SNRPD3: variants seen among roughly 807,000 people sequenced by gnomAD.
The protein encoded by SNRPD3 is small nuclear ribonucleoprotein D3 polypeptide.
For missense variants in SNRPD3, 73 were observed against 167.5 expected (o/e 0.44, Z 3.11); for synonymous variants, 66 against 58.4 (o/e 1.13, Z -0.59).
intron 2 of SNRPD3, 190 bp downstream of exon 2, chr22:24,557,990 G>A (rs1220794672): frequency 2.2e-6 from 1 of 457,220 alleles, no homozygotes; most frequent in Non-Finnish European, 3.8e-6. Context: ...ATAATCTTGA[G>A]GCAGAAAAGC....
rs114147227 is a variant in SNRPD3, at chr22:24,566,930, C to T, written c.127-1054C>T. On this transcript the variant is annotated intron_variant, in intron 2 of 3. Transcript: ENST00000215829. The stretch of plus-strand genomic sequence containing the variant: ...TTAACCCTATTGATCTTTCCTCTAT[C>T]GACAAACTTGACTGACTCCTTTATC... Among the ~76,000 whole-genome samples, 113 of 152,302 alleles carry T rather than the reference C, an allele frequency of 7.4e-4. 1 individual carries two copies. The highest frequency in any genetic ancestry group is 2.6e-3 in the African/African-American group (110 of 41,564).
Position 24,560,715 on chromosome 22 carries a change from C to CCTTT in SNRPD3, c.126+2915_126+2916insCTTT, listed in dbSNP as rs1569024539. On this transcript the variant is annotated intron_variant, in intron 2 of 3. Coordinates refer to ENST00000215829, the MANE Select transcript of SNRPD3 (RefSeq NM_004175.5). Reference sequence around the variant, plus strand: ...ACAGGCGTGAGCCACTGCACCTGGCCTTTTTTTTTTTTTTTTTTTTTTTTT... The same window carrying CCTTT: ...ACAGGCGTGAGCCACTGCACCTGGCCCTTTTTTTTTTTTTTTTTTTTTTTTTTTT... Among the ~76,000 whole-genome samples the CCTTT allele has an allele frequency of 2.0e-5, 2 of 98,864 alleles. 1 individual carries two copies. 64.9% of individuals were successfully genotyped at this position (98,864 alleles called of 152,430 possible). A position where few individuals can be genotyped will look rare whatever the true frequency, so the allele number is the denominator to read the frequency against.
chr22:24,568,234 A>AGGGGCCC, intron 3 of SNRPD3, 58 bp downstream of exon 3: 1 of 1,393,150 alleles, frequency 7.2e-7, no homozygotes, highest in African/African-American at 1.4e-5. Context: ...TCTTGTAGAA[A>AGGGGCCC]GGGGCCCTAT....
intron 2 of SNRPD3, among the ~76,000 whole-genome samples, chr22:24,564,914 T>TA (rs1296827541): frequency 6.6e-6 from 1 of 150,452 alleles, no homozygotes; most frequent in African/African-American, 2.5e-5. Context: ...GACAGGGTCT[T>TA]ACTCTGTTGC....
chr22:24,563,696 G>A (rs1216202481), intron 2 of SNRPD3, among the ~76,000 whole-genome samples: 1 of 152,150 alleles, frequency 6.6e-6, no homozygotes, highest in African/African-American at 2.4e-5. Context: ...GGAGAATGTG[G>A]TGTAGAGCTC....
intron 3 of SNRPD3, among the ~76,000 whole-genome samples, chr22:24,569,968 C>T (rs914650161): frequency 6.6e-6 from 1 of 152,248 alleles, no homozygotes; most frequent in Non-Finnish European, 1.5e-5. Flanking sequence ...TGTCCCGAAG[C>T]TCCCCTAACC....
chr22:24,569,053 C>T (rs1450407121), intron 3 of SNRPD3, among the ~76,000 whole-genome samples: 2 of 152,208 alleles, frequency 1.3e-5, no homozygotes, highest in East Asian at 3.9e-4. Flanking sequence ...TGTGGGATCG[C>T]TTGCCCTTGT....
At chr22:24,571,046 T>C (rs1005947042) in intron 3 of SNRPD3, among the ~76,000 whole-genome samples, 16 of 152,230 alleles carry the variant, frequency 1.1e-4, no homozygotes, top group African/African-American at 2.2e-4. Context: ...CTCAAACTTA[T>C]GACCTCAAGT....
At position 24,568,182 on chromosome 22, in the gene SNRPD3, T is replaced by C. The variant is rs546917883; in HGVS notation, c.319+6T>C. ...TGCTATTCTCAAGGCCCAAGGTAGG[T>C]GCTTTTCATGCACAGGTTTTAAAAT... is the stretch of plus-strand genomic sequence containing the variant. On this transcript the variant is annotated splice_donor_region_variant and intron_variant, in intron 3 of 3. Transcript: ENST00000215829. 2.5e-6 allele frequency: 4 copies of C among 1,602,116 alleles called. No individual in the cohort carries two copies. The South Asian group carries it at 4.4e-5, about 18-fold the overall frequency.
chr22:24,559,124 AG>A (rs1348067627), intron 2 of SNRPD3, among the ~76,000 whole-genome samples: 3 of 152,186 alleles, frequency 2.0e-5, no homozygotes, highest in African/African-American at 7.2e-5. Context: ...AGAGAGGTAA[AG>A]CACCTTACAC....
At chr22:24,570,528 C>A (rs1257012831) in intron 3 of SNRPD3, among the ~76,000 whole-genome samples, 1 of 151,946 alleles carries the variant, frequency 6.6e-6, no homozygotes, top group Non-Finnish European at 1.5e-5. Context: ...ACTAAAAATA[C>A]AAAAATTAGC....
intron 3 of SNRPD3, among the ~76,000 whole-genome samples, chr22:24,570,914 G>T (rs1231843541): frequency 1.4e-5 from 2 of 146,300 alleles, no homozygotes; most frequent in East Asian, 4.2e-4. Flanking sequence ...CAACTCCCAG[G>T]TTCAAGTGAT....
intron 2 of SNRPD3, among the ~76,000 whole-genome samples, chr22:24,566,315 A>G (rs1197181516): frequency 6.6e-6 from 1 of 152,204 alleles, no homozygotes; most frequent in Non-Finnish European, 1.5e-5. Flanking sequence ...TCTGTGGCCC[A>G]GGCTAGGGTG....
rs186724012 is a variant in SNRPD3, at chr22:24,556,014, G to A, written c.-76G>A. On this transcript the variant is annotated 5_prime_UTR_variant, in exon 1 of 4. Transcript: ENST00000215829. ...TAGGCCCGCCATTCGCTTGACTCAC[G>A]CCTTCGCCGTAGCATCTTTCGCAGC... is the stretch of plus-strand genomic sequence containing the variant. The A allele has an allele frequency of 2.4e-5, 15 of 637,878 alleles. No individual in the cohort carries two copies. The highest frequency in any genetic ancestry group is 3.8e-5 in the Non-Finnish European group (14 of 369,160). The allele number at this position is 637,878 out of a possible 1,614,324, so 39.5% of individuals were successfully genotyped here. A position where few individuals can be genotyped will look rare whatever the true frequency, so the allele number is the denominator to read the frequency against.
upstream of SNRPD3, chr22:24,555,832 T>C (rs1020292741): frequency 5.8e-6 from 9 of 1,543,988 alleles, no homozygotes; most frequent in Non-Finnish European, 7.8e-6. Flanking sequence ...TCATCAGCCC[T>C]CTTTTCCGGT....
intron 1 of SNRPD3, 88 bp from the exon 2 acceptor site, chr22:24,557,569 A>C (rs2045089608): frequency 1.2e-6 from 1 of 863,364 alleles, no homozygotes; most frequent in East Asian, 2.9e-5. Flanking sequence ...AGTTTTATGG[A>C]GTGCCAGGCC....
Position 24,568,109 on chromosome 22 carries a change from G to A in SNRPD3, c.252G>A (p.Lys84=), listed in dbSNP as rs2045213312. The A allele has an allele frequency of 1.2e-6, 2 of 1,613,930 alleles. No individual in the cohort carries two copies. The highest frequency in any genetic ancestry group is 1.7e-6 in the Non-Finnish European group (2 of 1,179,980). ...TGCTGAAGAACGCACCCATGTTAAA[G>A]AGCATGAAAAATAAAAACCAAGGCT... ...PDMLKNAPML[K]SMKNKNQGSG... Residue 84 remains lysine, a synonymous_variant, in exon 3 of 4, where the codon AAG becomes AAA. Transcript: ENST00000215829.
chr22:24,563,183 C>G (rs1266196835), intron 2 of SNRPD3, among the ~76,000 whole-genome samples: 1 of 150,640 alleles, frequency 6.6e-6, no homozygotes, highest in African/African-American at 2.5e-5. Context: ...CCCTGGGCAA[C>G]ACAGTGAGAC....
At chr22:24,560,087 A>G (rs1368100512) in intron 2 of SNRPD3, among the ~76,000 whole-genome samples, 5 of 5,318 alleles carry the variant, frequency 9.4e-4, no homozygotes, top group Non-Finnish European at 6.3e-3. Context: ...ATGTTTATAA[A>G]GAATTTTTTT....
Sources: gnomAD v4.1 joint callset for allele counts (sites outside exome capture counted in the v4.1 genomes callset) on GRCh38, gnomAD v4.1.1 for gene constraint, MANE v1.5 for transcripts, NCBI Gene and HGNC (gene_info 2026-07-23, HGNC 2026-07-21) for gene names.